The following PRKCB variants were observed in gnomAD, a reference collection of about 807,000 sequenced individuals.
PRKCB encodes protein kinase C beta.
Under a neutral mutation model 81.5 loss-of-function variants are expected in PRKCB, and 13 were observed. The ratio of observed to expected loss-of-function variants is 0.16; its 90% CI spans 0.10 to 0.25. PRKCB has a LOEUF of 0.25. Ranked by LOEUF, PRKCB falls within the 10% of genes least tolerant of loss-of-function variation. The pLI, the probability that PRKCB is intolerant of heterozygous loss-of-function variation, is 1.00. For missense variants in PRKCB, 509 were observed against 875.7 expected, an observed-to-expected ratio of 0.58 and a Z score of 5.29; for synonymous variants, 335 against 321.4, an observed-to-expected ratio of 1.04 and a Z score of -0.45.
At chr16:23,961,392 C>T (rs1268702721) in intron 2 of PRKCB, among the ~76,000 whole-genome samples, 1 of 152,242 alleles carries the variant, frequency 6.6e-6, no homozygotes, top group Non-Finnish European at 1.5e-5. Flanking sequence ...GTTCAGCAAT[C>T]TGATTCTCTC....
chr16:23,949,565 T>C (rs78045819), intron 2 of PRKCB, among the ~76,000 whole-genome samples: 5,490 of 152,334 alleles, frequency 0.036, 158 homozygotes, highest in African/African-American at 0.077. Flanking sequence ...TTATTTTTCT[T>C]CAACAAATAT....
chr16:23,907,080 G>A (rs1181609313), intron 2 of PRKCB, among the ~76,000 whole-genome samples: 1 of 152,146 alleles, frequency 6.6e-6, no homozygotes, highest in African/African-American at 2.4e-5. Context: ...ACATTGGGGG[G>A]TGGAATAGGT....
Position 24,153,631 on chromosome 16 carries a change from C to T in PRKCB, c.1066-1053C>T, listed in dbSNP as rs200895520. Among the ~76,000 whole-genome samples, 4 of 152,210 alleles carry T rather than the reference C, an allele frequency of 2.6e-5. No homozygotes were observed. In the East Asian group the frequency reaches 7.7e-4, roughly 29 times the overall value. ...GGCATAATCACAACCAAAGAATGTT[C>T]AAAGAATATTCCCCCGGTTGGGAGA... On this transcript the variant is annotated intron_variant, in intron 9 of 16. Coordinates refer to ENST00000643927, the MANE Select transcript of PRKCB (RefSeq NM_002738.7).
chr16:24,014,203 A>AC (rs140189256), intron 3 of PRKCB, among the ~76,000 whole-genome samples: 2,366 of 150,358 alleles, frequency 0.016, 53 homozygotes, highest in African/African-American at 0.055. Context: ...CATTTACGGG[A>AC]CCCCCCACTT....
At chr16:23,983,628 C>T (rs1156753350) in intron 2 of PRKCB, among the ~76,000 whole-genome samples, 1 of 151,982 alleles carries the variant, frequency 6.6e-6, no homozygotes, top group Admixed American at 6.6e-5. Context: ...CAATTATGTA[C>T]CAGGAATTGT....
At chr16:24,039,960 G>A (rs1596524279) in intron 5 of PRKCB, among the ~76,000 whole-genome samples, 1 of 152,132 alleles carries the variant, frequency 6.6e-6, no homozygotes, top group Non-Finnish European at 1.5e-5. Context: ...TGGCCTTGTG[G>A]TGTTTGTGGA....
intron 3 of PRKCB, among the ~76,000 whole-genome samples, chr16:24,010,538 G>A (rs1965188704): frequency 6.6e-6 from 1 of 152,136 alleles, no homozygotes; most frequent in Non-Finnish European, 1.5e-5. Flanking sequence ...TAGAGAGTGT[G>A]CAATAGTCCA....
intron 2 of PRKCB, among the ~76,000 whole-genome samples, chr16:23,896,938 A>G (rs1203039015): frequency 6.6e-6 from 1 of 151,706 alleles, no homozygotes; most frequent in Non-Finnish European, 1.5e-5. Context: ...TCATCCATCC[A>G]TTCATCCATC....
chr16:23,882,021 T>TCTCTTTCTTTCTTTCTTTCTCTTTCTTC (rs1555481693), intron 2 of PRKCB, among the ~76,000 whole-genome samples: 2 of 55,592 alleles, frequency 3.6e-5, no homozygotes, highest in Admixed American at 2.2e-4. Context: ...TTTCTTTCTT[T>TCTCTTTCTTTCTTTCTTTCTCTTTCTTC]CTTCCTTCCT....
At chr16:24,131,206 C>A (rs1417285062) in intron 9 of PRKCB, among the ~76,000 whole-genome samples, 1 of 152,162 alleles carries the variant, frequency 6.6e-6, no homozygotes, top group Non-Finnish European at 1.5e-5. Flanking sequence ...CATTTTTTCT[C>A]TTTTAAAAAT....
intron 2 of PRKCB, among the ~76,000 whole-genome samples, chr16:23,889,116 G>GTCCATCCATCCATCCATCCA: frequency 6.8e-6 from 1 of 147,622 alleles, no homozygotes; most frequent in African/African-American, 2.5e-5. Context: ...CTGTTCACTC[G>GTCCATCCATCCATCCATCCA]TCCATCCATC....
intron 16 of PRKCB, among the ~76,000 whole-genome samples, chr16:24,193,563 C>T (rs1013791969): frequency 6.6e-6 from 1 of 152,052 alleles, no homozygotes; most frequent in African/African-American, 2.4e-5. Flanking sequence ...CCTCCAAAAA[C>T]CTCAGCCTCC....
intron 15 of PRKCB, 94 bp from the exon 16 acceptor site, chr16:24,190,995 CT>C: frequency 7.1e-7 from 1 of 1,406,644 alleles, no homozygotes; most frequent in Non-Finnish European, 9.7e-7. Flanking sequence ...TTCATTTGCG[CT>C]TTCTTTCCTA....
intron 2 of PRKCB, among the ~76,000 whole-genome samples, chr16:23,936,685 A>T (rs540000254): frequency 1.3e-4 from 19 of 148,758 alleles, no homozygotes; most frequent in African/African-American, 4.5e-4. Context: ...TTGGCCTCCC[A>T]AAATGCTGGG....
At chr16:24,126,178 C>A (rs1966843942) in intron 9 of PRKCB, among the ~76,000 whole-genome samples, 1 of 151,780 alleles carries the variant, frequency 6.6e-6, no homozygotes. Context: ...GGGAAGATGT[C>A]TAGCATAAAG....
chr16:23,970,778 A>G (rs1357385066), intron 2 of PRKCB, among the ~76,000 whole-genome samples: 2 of 152,262 alleles, frequency 1.3e-5, no homozygotes, highest in African/African-American at 2.4e-5. Context: ...AATAGTCACA[A>G]TAGTCCCAAG....
At chr16:23,949,346 G>A (rs1487363641) in intron 2 of PRKCB, among the ~76,000 whole-genome samples, 6 of 152,192 alleles carry the variant, frequency 3.9e-5, no homozygotes, top group East Asian at 1.9e-4. Flanking sequence ...GTTAAAACAC[G>A]AGCCCAGTCA....
intron 2 of PRKCB, among the ~76,000 whole-genome samples, chr16:23,985,320 C>G (rs1443459851): frequency 6.6e-6 from 1 of 152,170 alleles, no homozygotes. Flanking sequence ...TGGTCTCGAA[C>G]TTCTGGCCTC....
intron 16 of PRKCB, among the ~76,000 whole-genome samples, chr16:24,195,030 C>A (rs758819113): frequency 1.3e-5 from 2 of 152,040 alleles, no homozygotes; most frequent in Non-Finnish European, 2.9e-5. Flanking sequence ...ATGGCAAAAC[C>A]CCGTCTCTAC....
Sources: allele counts gnomAD v4.1 joint callset (sites outside exome capture counted in the v4.1 genomes callset), GRCh38; gene constraint gnomAD v4.1.1; transcripts MANE v1.5; gene names NCBI Gene and HGNC (gene_info 2026-07-23, HGNC 2026-07-21).